Variants in TOX2 observed in about 807,000 individuals in gnomAD.
TOX2 encodes granulosa cell HMG box 1.
TOX2 carries 15 observed loss-of-function variants against 47.4 expected under a neutral mutation model. That is an observed-to-expected ratio of 0.32 (90% CI 0.21 to 0.49). The LOEUF is 0.49. Ranked by LOEUF, TOX2 falls within the 20% of genes least tolerant of loss-of-function variation. The pLI is 0.99. For missense variants in TOX2, 622 were observed against 673.1 expected (o/e 0.92, Z 0.84); for synonymous variants, 290 against 296.6 (o/e 0.98, Z 0.23).
At position 44,055,172 on chromosome 20, in the gene TOX2, G is replaced by A. The variant is rs932919495; in HGVS notation, c.879+646G>A. Among the ~76,000 whole-genome samples, 5 of 152,208 alleles carry A rather than the reference G, an allele frequency of 3.3e-5. No individual in the cohort carries two copies. The South Asian group carries it at 6.2e-4, about 19-fold the overall frequency. ...AAGTGACTCACCCAGGGTCACCAGC[G>A]TGAATCAAGGTAGAGTCAGGATTTG... On this transcript the variant is annotated intron_variant, in intron 5 of 8. Transcript: ENST00000341197.
intron 3 of TOX2, among the ~76,000 whole-genome samples, chr20:44,020,829 A>C (rs1278367426): frequency 6.6e-6 from 1 of 152,190 alleles, no homozygotes; most frequent in Admixed American, 6.5e-5. Flanking sequence ...CATAGGATGC[A>C]CTTGTGTTTC....
intron 2 of TOX2, among the ~76,000 whole-genome samples, chr20:43,976,779 C>G (rs542438234): frequency 7.4e-6 from 1 of 135,460 alleles, no homozygotes; most frequent in African/African-American, 3.1e-5. Context: ...CGCGAGCGCG[C>G]GCGCACACAC....
At chr20:44,045,374 C>T (rs150341018) in intron 3 of TOX2, among the ~76,000 whole-genome samples, 1 of 152,212 alleles carries the variant, frequency 6.6e-6, no homozygotes, top group East Asian at 1.9e-4. Flanking sequence ...TAGACAAAGA[C>T]GTGTACTCCT....
In TOX2 at chr20:43,945,939, C is replaced by T. The variant is rs201898502; in HGVS notation, c.100-27428C>T. 94 of 1,613,714 alleles carry T rather than the reference C, an allele frequency of 5.8e-5. 1 individual carries two copies. The Middle Eastern group carries it at 8.2e-4, about 14-fold the overall frequency. On this transcript the variant is annotated intron_variant, in intron 1 of 8. Transcript: ENST00000341197. ...TGCAGCAGACTCGCACAGAGGCTGTCGCGGGCGCGTTCTCTCGCTGCCTGG... is the reference window on the plus strand; with the variant it reads ...TGCAGCAGACTCGCACAGAGGCTGTTGCGGGCGCGTTCTCTCGCTGCCTGG...
intron 3 of TOX2, among the ~76,000 whole-genome samples, chr20:44,024,506 G>A (rs2071028790): frequency 1.3e-5 from 2 of 151,776 alleles, no homozygotes; most frequent in South Asian, 4.2e-4. Context: ...ATAATAAAAA[G>A]TTTATGGCTG....
intron 1 of TOX2, among the ~76,000 whole-genome samples, chr20:43,960,218 G>A (rs1047045345): frequency 6.6e-6 from 1 of 152,174 alleles, no homozygotes; most frequent in African/African-American, 2.4e-5. Context: ...GCCATTAGTG[G>A]ATGCTCTTGC....
At chr20:44,063,254 T>C (rs2071752445) in intron 5 of TOX2, among the ~76,000 whole-genome samples, 1 of 152,038 alleles carries the variant, frequency 6.6e-6, no homozygotes, top group Non-Finnish European at 1.5e-5. Context: ...AGGACTAATA[T>C]CCAGAATCTA....
chr20:43,916,427 A>T lies in TOX2; in HGVS notation c.99+1437A>T, dbSNP rs41310028. Among the ~76,000 whole-genome samples, 677 of 152,350 alleles carry T rather than the reference A, an allele frequency of 4.4e-3. 8 individuals carry two copies. Among genetic ancestry groups the T allele is most frequent in the Non-Finnish European group, 5.0e-3 (337 of 68,024 alleles). On this transcript the variant is annotated intron_variant, in intron 1 of 8. Transcript: ENST00000341197. This position sits in a 1 kb window ranked among gnomAD's most constrained non-coding sequence, Gnocchi z 5.0. ...CTGCAGTTCGCCAGGGGCAGCAAGC[A>T]TCCAGGCCACTAGGGCCTGCGCGAT... is the stretch of plus-strand genomic sequence containing the variant.
At chr20:44,054,985 T>A (rs1031436100) in intron 5 of TOX2, among the ~76,000 whole-genome samples, 5 of 152,108 alleles carry the variant, frequency 3.3e-5, no homozygotes, top group Admixed American at 6.5e-5. Flanking sequence ...CCACCTAAAC[T>A]CTCTGAGCCT....
At chr20:43,959,109 A>G (rs1197007767) in intron 1 of TOX2, among the ~76,000 whole-genome samples, 2 of 152,212 alleles carry the variant, frequency 1.3e-5, no homozygotes, top group African/African-American at 4.8e-5. Context: ...TGGGAAGGCA[A>G]CTGGGGTGAA....
Position 43,915,014 on chromosome 20 carries a change from C to T in TOX2, c.99+24C>T. On this transcript the variant is annotated intron_variant, in intron 1 of 8. Coordinates refer to ENST00000341197, the MANE Select transcript of TOX2 (RefSeq NM_001098797.2). The surrounding 1 kb of genome is among the most constrained non-coding windows in gnomAD (Gnocchi z 7.1). ...AGGTAGGCGGGGGCGGGCGGGGGTC[C>T]CCGGCGGGCGGGGCCGGAGTCACCT... The T allele has an allele frequency of 8.1e-7, 1 of 1,229,898 alleles. No individual in the cohort carries two copies. The allele number at this position is 1,229,898 out of a possible 1,614,324, so 76.2% of individuals were successfully genotyped here.
At chr20:44,061,497 C>T (rs2071718030) in intron 5 of TOX2, among the ~76,000 whole-genome samples, 2 of 151,904 alleles carry the variant, frequency 1.3e-5, no homozygotes, top group African/African-American at 4.8e-5. Flanking sequence ...CTATGATAAA[C>T]CAGAGCCAAC....
intron 8 of TOX2, among the ~76,000 whole-genome samples, chr20:44,067,507 G>A (rs925848870): frequency 4.6e-5 from 7 of 152,112 alleles, no homozygotes; most frequent in African/African-American, 9.7e-5. Flanking sequence ...AGGGGACCTC[G>A]GTGGGACACG....
At chr20:43,926,935 C>G (rs962411382) in intron 1 of TOX2, among the ~76,000 whole-genome samples, 6 of 152,200 alleles carry the variant, frequency 3.9e-5, no homozygotes, top group African/African-American at 1.4e-4. Context: ...TTTGCTGCCC[C>G]CTCCCTCCCA....
At chr20:43,951,532 G>A (rs937147369) in intron 1 of TOX2, among the ~76,000 whole-genome samples, 1 of 151,852 alleles carries the variant, frequency 6.6e-6, no homozygotes, top group African/African-American at 2.4e-5. Context: ...AGCTGAGATC[G>A]TGCCATTGCA....
intron 1 of TOX2, among the ~76,000 whole-genome samples, chr20:43,970,668 C>A (rs1167282362): frequency 6.6e-6 from 1 of 152,214 alleles, no homozygotes; most frequent in Non-Finnish European, 1.5e-5. Context: ...TGATCAATGG[C>A]CATGGTCACA....
chr20:44,028,601 A>G (rs1049672567), intron 3 of TOX2, among the ~76,000 whole-genome samples: 2 of 150,608 alleles, frequency 1.3e-5, no homozygotes, highest in Non-Finnish European at 3.0e-5. Flanking sequence ...ACTGATGACA[A>G]TCCCTGATTC....
chr20:43,984,811 G>C (rs1415830452), intron 2 of TOX2, among the ~76,000 whole-genome samples: 1 of 152,182 alleles, frequency 6.6e-6, no homozygotes, highest in East Asian at 1.9e-4. Flanking sequence ...AAACAATGAT[G>C]ATGATGTGGG....
chr20:44,068,860 A>C lies in TOX2; in HGVS notation c.*174A>C, dbSNP rs2071884818. Reference sequence around the variant, plus strand: ...CTCAACCTCCCACCAGACTCTGCAGAGGCAGCCCACTGCCCACCACCAGCC... The same window carrying C: ...CTCAACCTCCCACCAGACTCTGCAGCGGCAGCCCACTGCCCACCACCAGCC... On this transcript the variant is annotated 3_prime_UTR_variant, in exon 9 of 9. Transcript: ENST00000341197. 2 of 899,742 alleles carry C rather than the reference A, an allele frequency of 2.2e-6. No individual in the cohort carries two copies. Among genetic ancestry groups the C allele is most frequent in the South Asian group, 2.8e-5 (2 of 70,532 alleles). 55.7% of individuals were successfully genotyped at this position (899,742 alleles called of 1,614,324 possible).
Sources: gnomAD v4.1 joint callset for allele counts (sites outside exome capture counted in the v4.1 genomes callset) on GRCh38, gnomAD v4.1.1 for gene constraint, Gnocchi (gnomAD v3.1) non-coding constraint, MANE v1.5 for transcripts, NCBI Gene and HGNC (gene_info 2026-07-23, HGNC 2026-07-21) for gene names.